Variants in ADAM32 observed in about 807,000 individuals in gnomAD.
The protein encoded by ADAM32 is disintegrin and metalloproteinase domain-containing protein 32.
ADAM32 carries 89 observed loss-of-function variants against 114.9 expected under a neutral mutation model. That is an observed-to-expected ratio of 0.77 (90% CI 0.65 to 0.92). The LOEUF is 0.92. Ranked by LOEUF, ADAM32 falls within the 40% of genes least tolerant of loss-of-function variation. The pLI is 0.00. For synonymous variants in ADAM32, 285 were observed against 307.5 expected (o/e 0.93, Z 0.77); for missense variants, 870 against 932.8 (o/e 0.93, Z 0.88).
At position 39,111,918 on chromosome 8, in the gene ADAM32, G is replaced by A. The variant is rs1460860948; in HGVS notation, c.58+4085G>A. On this transcript the variant is annotated intron_variant, in intron 1 of 24. Coordinates refer to ENST00000379907, the MANE Select transcript of ADAM32 (RefSeq NM_145004.7). ...ATTTATGTATCAGTCTTTTCCTAAGGTGGGATAGTTGAGGCCAAATTTGGC... is the reference window on the plus strand; with the variant it reads ...ATTTATGTATCAGTCTTTTCCTAAGATGGGATAGTTGAGGCCAAATTTGGC... Among the ~76,000 whole-genome samples the A allele has an allele frequency of 1.1e-4, 17 of 152,160 alleles. No individual in the cohort carries two copies. The South Asian group carries it at 3.1e-3, about 28-fold the overall frequency.
intron 6 of ADAM32, among the ~76,000 whole-genome samples, chr8:39,159,402 T>C (rs1030152621): frequency 6.6e-6 from 1 of 152,216 alleles, no homozygotes; most frequent in Non-Finnish European, 1.5e-5. Context: ...TAGCCTTGAC[T>C]CTTGCTTGTA....
chr8:39,215,184 TTTAGGA>T (rs2129448529), intron 12 of ADAM32, among the ~76,000 whole-genome samples: 1 of 152,156 alleles, frequency 6.6e-6, no homozygotes, highest in African/African-American at 2.4e-5. Flanking sequence ...CCATATAAAT[TTTAGGA>T]TTTTTTTTTC....
At chr8:39,264,014 G>A (rs962004607) in intron 19 of ADAM32, among the ~76,000 whole-genome samples, 7 of 152,090 alleles carry the variant, frequency 4.6e-5, no homozygotes, top group Non-Finnish European at 8.8e-5. Context: ...GATGATAAAG[G>A]TATCTGTAAC....
intron 19 of ADAM32, among the ~76,000 whole-genome samples, chr8:39,268,237 T>C (rs1177049577): frequency 6.6e-6 from 1 of 152,236 alleles, no homozygotes; most frequent in Non-Finnish European, 1.5e-5. Context: ...TTGTAGTTTC[T>C]CCACATTCTT....
At chr8:39,250,931 T>C (rs969841408) in intron 17 of ADAM32, among the ~76,000 whole-genome samples, 2 of 151,988 alleles carry the variant, frequency 1.3e-5, no homozygotes, top group Non-Finnish European at 2.9e-5. Context: ...GTGATATTTA[T>C]CTTTCTGTGC....
chr8:39,274,781 CACA>C (rs370413376), intron 21 of ADAM32, among the ~76,000 whole-genome samples: 13 of 152,274 alleles, frequency 8.5e-5, no homozygotes, highest in African/African-American at 3.1e-4. Context: ...TTGTAGCCAT[CACA>C]ACATCAGAGA....
chr8:39,246,611 C>T (rs1468623509), intron 17 of ADAM32, among the ~76,000 whole-genome samples: 1 of 152,124 alleles, frequency 6.6e-6, no homozygotes, highest in Non-Finnish European at 1.5e-5. Flanking sequence ...TTCCATATAT[C>T]CACTCATCTT....
intron 19 of ADAM32, among the ~76,000 whole-genome samples, chr8:39,262,612 C>A (rs1256801153): frequency 6.6e-6 from 1 of 151,866 alleles, no homozygotes; most frequent in Non-Finnish European, 1.5e-5. Flanking sequence ...TCCCTTCCTA[C>A]CTTCCTCCTT....
chr8:39,129,213 T>C (rs1288583033), intron 2 of ADAM32, among the ~76,000 whole-genome samples: 2 of 151,972 alleles, frequency 1.3e-5, no homozygotes, highest in Non-Finnish European at 2.9e-5. Flanking sequence ...TTATGCCTTA[T>C]TTTCCTTTTC....
At position 39,243,292 on chromosome 8, in the gene ADAM32, A is replaced by G. The variant is rs115376535; in HGVS notation, c.1819-2791A>G. 5.4e-3 allele frequency among the ~76,000 whole-genome samples: 830 copies of G among 152,320 alleles called. 10 individuals are homozygous for G. Among genetic ancestry groups the G allele is most frequent in the African/African-American group, 0.019 (791 of 41,568 alleles). ...TTTCCTAAATTGTTCTATGAAACCA[A>G]TATCACCCTAATATCAAAACCAGGA... On this transcript the variant is annotated intron_variant, in intron 16 of 24. Transcript: ENST00000379907.
intron 11 of ADAM32, among the ~76,000 whole-genome samples, chr8:39,203,505 T>C (rs192706450): frequency 4.1e-4 from 62 of 152,322 alleles, no homozygotes; most frequent in South Asian, 2.3e-3. Flanking sequence ...TCCATCCCTT[T>C]ATTTTGAGCC....
rs773402504 is a variant in ADAM32, at chr8:39,221,599, C to G, written c.1234-11C>G. On this transcript the variant is annotated splice_polypyrimidine_tract_variant and intron_variant, in intron 12 of 24. Transcript: ENST00000379907. ...GATGTATTTTTACTTGTACATTTCACTAATTCATAGCAATGTGGACCTGCA... is the reference window on the plus strand; with the variant it reads ...GATGTATTTTTACTTGTACATTTCAGTAATTCATAGCAATGTGGACCTGCA... The G allele has an allele frequency of 2.5e-6, 4 of 1,598,608 alleles. No individual in the cohort carries two copies. The highest frequency in any genetic ancestry group is 3.4e-6 in the Non-Finnish European group (4 of 1,167,530).
intron 2 of ADAM32, chr8:39,130,999 C>T (rs991741650): frequency 1.9e-5 from 7 of 364,056 alleles, no homozygotes; most frequent in African/African-American, 1.7e-4. Context: ...CTCTGTTGCC[C>T]AGGCTGGAGT....
At chr8:39,203,135 A>T (rs1030266672) in intron 11 of ADAM32, among the ~76,000 whole-genome samples, 1 of 152,188 alleles carries the variant, frequency 6.6e-6, no homozygotes, top group African/African-American at 2.4e-5. Flanking sequence ...AGTTCTGTAG[A>T]TGTCTATTAG....
At chr8:39,270,822 G>T in intron 19 of ADAM32, 54 bp from the exon 20 acceptor site, 1 of 1,416,580 alleles carries the variant, frequency 7.1e-7, no homozygotes, top group South Asian at 1.2e-5. Context: ...TTTAATTCAT[G>T]AAGTTGGCAA....
At chr8:39,261,861 G>A (rs1812051961) in intron 19 of ADAM32, among the ~76,000 whole-genome samples, 1 of 152,130 alleles carries the variant, frequency 6.6e-6, no homozygotes, top group African/African-American at 2.4e-5. Context: ...TTTGAGAAAT[G>A]TCTGTTGAGT....
intron 19 of ADAM32, among the ~76,000 whole-genome samples, chr8:39,268,346 A>G (rs752860377): frequency 6.6e-6 from 1 of 152,148 alleles, no homozygotes; most frequent in Non-Finnish European, 1.5e-5. Flanking sequence ...AATCATGTTG[A>G]CAATTGTTTC....
intron 17 of ADAM32, among the ~76,000 whole-genome samples, chr8:39,248,006 G>A (rs1260310916): frequency 6.6e-6 from 1 of 151,876 alleles, no homozygotes; most frequent in Non-Finnish European, 1.5e-5. Flanking sequence ...CTAGATTTAT[G>A]TTTGTCAGTT....
Position 39,257,837 on chromosome 8 carries a change from A to G in ADAM32, c.2162+494A>G, listed in dbSNP as rs1347583384. Among the ~76,000 whole-genome samples the G allele has an allele frequency of 5.9e-5, 9 of 152,152 alleles. 1 individual carries two copies. Among genetic ancestry groups the G allele is most frequent in the Admixed American group, 6.5e-5 (1 of 15,276 alleles). On this transcript the variant is annotated intron_variant, in intron 19 of 24. Coordinates refer to ENST00000379907, the MANE Select transcript of ADAM32 (RefSeq NM_145004.7). Reference sequence around the variant, plus strand: ...TAATTCAAACACTAAGACAGAGAACAACATGACAAACATCCTCTTGCCCAC... The same window carrying G: ...TAATTCAAACACTAAGACAGAGAACGACATGACAAACATCCTCTTGCCCAC...
Sources: gnomAD v4.1 joint callset for allele counts (sites outside exome capture counted in the v4.1 genomes callset) on GRCh38, gnomAD v4.1.1 for gene constraint, MANE v1.5 for transcripts, NCBI Gene and HGNC (gene_info 2026-07-23, HGNC 2026-07-21) for gene names.